The following PTPRD variants were observed in gnomAD, a reference collection of about 807,000 sequenced individuals.
PTPRD encodes receptor-type tyrosine-protein phosphatase delta.
A neutral mutation model predicts 214.5 loss-of-function variants in PTPRD; 34 were observed. The observed-to-expected ratio is 0.16, with a 90% CI of 0.12 to 0.21. The LOEUF (loss-of-function observed/expected upper bound fraction) is 0.21. Among genes scored for constraint, PTPRD ranks in the 10% least tolerant of loss-of-function variants. The probability of loss-of-function intolerance (pLI) is 1.00; values close to 1 mark genes in which losing one functional copy is unlikely to be tolerated. For missense variants in PTPRD, 2,545 were observed against 2,398.7 expected (o/e 1.06, Z -1.27); for synonymous variants, 1,128 against 845.7 (o/e 1.33, Z -5.79).
intron 7 of PTPRD, among the ~76,000 whole-genome samples, chr9:9,712,447 A>G (rs1425031072): frequency 6.6e-6 from 1 of 152,220 alleles, no homozygotes; most frequent in Non-Finnish European, 1.5e-5. Context: ...TTTTTAATTC[A>G]TGCACTTGCC....
rs1421592563 is a variant in PTPRD, at chr9:8,341,689, A to ATACCT, written c.4946_4947+3dup. 6.2e-7 allele frequency: 1 copy of ATACCT among 1,612,830 alleles called. No homozygotes were observed. The highest frequency in any genetic ancestry group is 8.5e-7 in the Non-Finnish European group (1 of 1,179,370). On this transcript the variant is annotated splice_donor_region_variant and intron_variant, in intron 40 of 45. Transcript: ENST00000381196. Reference sequence around the variant, plus strand: ...GAATAACCACATCACATCCAATACCATACCTTAAATTCGAGCTCCATTCCT... The same window carrying ATACCT: ...GAATAACCACATCACATCCAATACCATACCTTACCTTAAATTCGAGCTCCATTCCT...
At chr9:8,434,399 T>C (rs1436744706) in intron 35 of PTPRD, among the ~76,000 whole-genome samples, 1 of 152,226 alleles carries the variant, frequency 6.6e-6, no homozygotes, top group Non-Finnish European at 1.5e-5. Context: ...CTATACCATA[T>C]AGCTTAAGTG....
intron 9 of PTPRD, among the ~76,000 whole-genome samples, chr9:9,235,884 T>A (rs147606761): frequency 6.6e-6 from 1 of 152,210 alleles, no homozygotes; most frequent in Non-Finnish European, 1.5e-5. Context: ...TTGGCCATGA[T>A]ATTCTAAACA....
intron 12 of PTPRD, among the ~76,000 whole-genome samples, chr9:8,666,263 C>G (rs2097168799): frequency 6.6e-6 from 1 of 152,070 alleles, no homozygotes; most frequent in South Asian, 2.1e-4. Flanking sequence ...AACTAAAATG[C>G]TGATTATGAT....
chr9:10,162,064 G>A (rs950115429), intron 3 of PTPRD, among the ~76,000 whole-genome samples: 1 of 151,656 alleles, frequency 6.6e-6, no homozygotes, highest in African/African-American at 2.4e-5. Context: ...AGGATGTGGA[G>A]AAAGGGGAAC....
chr9:8,571,121 T>C (rs78851327), intron 14 of PTPRD, among the ~76,000 whole-genome samples: 3,275 of 152,184 alleles, frequency 0.022, 48 homozygotes, highest in Non-Finnish European at 0.034. Context: ...ATTTTTACCT[T>C]GAGCAATAAG....
chr9:9,874,622 T>C (rs1034081384), intron 5 of PTPRD, among the ~76,000 whole-genome samples: 2 of 152,208 alleles, frequency 1.3e-5, no homozygotes, highest in African/African-American at 4.8e-5. Context: ...TTCTCTTTTA[T>C]CTCAAATAAT....
chr9:8,906,350 G>A (rs974813152), intron 11 of PTPRD, among the ~76,000 whole-genome samples: 23 of 152,102 alleles, frequency 1.5e-4, no homozygotes, highest in African/African-American at 5.6e-4. Flanking sequence ...AGTGACTTAA[G>A]AAGAGAGTGC....
chr9:10,351,228 A>G (rs1386938348), intron 2 of PTPRD, among the ~76,000 whole-genome samples: 1 of 152,148 alleles, frequency 6.6e-6, no homozygotes, highest in African/African-American at 2.4e-5. Context: ...ATCATCTACT[A>G]TCGTGGATTA....
chr9:10,403,095 G>A (rs1003977697), intron 2 of PTPRD, among the ~76,000 whole-genome samples: 1 of 150,450 alleles, frequency 6.6e-6, no homozygotes, highest in African/African-American at 2.4e-5. Context: ...CCATAGATTA[G>A]GTATAGAAAT....
At chr9:9,976,863 T>C (rs1233079800) in intron 4 of PTPRD, among the ~76,000 whole-genome samples, 3 of 151,890 alleles carry the variant, frequency 2.0e-5, no homozygotes, top group Non-Finnish European at 4.4e-5. Flanking sequence ...AGTTAAATTT[T>C]TAAAAAAATG....
chr9:10,034,854 G>A (rs998514766), intron 3 of PTPRD, among the ~76,000 whole-genome samples: 11 of 152,056 alleles, frequency 7.2e-5, no homozygotes, highest in African/African-American at 9.7e-5. Flanking sequence ...TTGATTACAC[G>A]TTTTTGCTAT....
chr9:10,275,747 A>G (rs987934242), intron 3 of PTPRD, among the ~76,000 whole-genome samples: 1 of 152,198 alleles, frequency 6.6e-6, no homozygotes, highest in African/African-American at 2.4e-5. Flanking sequence ...CTAAATGGTC[A>G]CGTTAACAAA....
intron 8 of PTPRD, among the ~76,000 whole-genome samples, chr9:9,450,095 GGTGTGTGTGTGTGTGTGTGTGTGTCTGT>G (rs1157361219): frequency 1.4e-5 from 2 of 146,010 alleles, no homozygotes; most frequent in African/African-American, 2.6e-5. Context: ...AGTATTCCAT[GGTGTGTGTGTGTGTGTGTGTGTGTCTGT>G]GTGTGTGTGT....
intron 4 of PTPRD, among the ~76,000 whole-genome samples, chr9:10,031,322 G>T (rs953429955): frequency 6.6e-6 from 1 of 151,986 alleles, no homozygotes; most frequent in Admixed American, 6.6e-5. Flanking sequence ...CTGTATGGGT[G>T]TTGCCAAAGG....
chr9:9,342,515 G>T (rs955666038), intron 9 of PTPRD, among the ~76,000 whole-genome samples: 1 of 152,082 alleles, frequency 6.6e-6, no homozygotes, highest in Non-Finnish European at 1.5e-5. Flanking sequence ...TCAAAGAAAT[G>T]AAGAAACATG....
At chr9:9,738,977 G>T (rs923106133) in intron 6 of PTPRD, among the ~76,000 whole-genome samples, 3 of 151,812 alleles carry the variant, frequency 2.0e-5, no homozygotes, top group Non-Finnish European at 4.4e-5. Flanking sequence ...TATATTACTT[G>T]TATATAGAAA....
intron 8 of PTPRD, among the ~76,000 whole-genome samples, chr9:9,555,805 TAA>T (rs1200578010): frequency 6.6e-6 from 1 of 152,166 alleles, no homozygotes; most frequent in Non-Finnish European, 1.5e-5. Context: ...AAATGCCTTA[TAA>T]GAGATTAAAT....
At chr9:8,708,961 C>A (rs1367046050) in intron 12 of PTPRD, among the ~76,000 whole-genome samples, 2 of 152,060 alleles carry the variant, frequency 1.3e-5, no homozygotes, top group Non-Finnish European at 2.9e-5. Context: ...ATGGATGAGT[C>A]TGGAGACCAT....
Sources: allele counts gnomAD v4.1 joint callset (sites outside exome capture counted in the v4.1 genomes callset), GRCh38; gene constraint gnomAD v4.1.1; transcripts MANE v1.5; gene names NCBI Gene and HGNC (gene_info 2026-07-23, HGNC 2026-07-21).